Variants in PAK5 observed in about 807,000 individuals in gnomAD.
PAK5 encodes the protein serine/threonine-protein kinase PAK 5.
A neutral mutation model predicts 65.9 loss-of-function variants in PAK5; 16 were observed. The ratio of observed to expected loss-of-function variants is 0.24; its 90% CI spans 0.16 to 0.37. The LOEUF (loss-of-function observed/expected upper bound fraction) is 0.37. Among genes scored for constraint, PAK5 ranks in the 10% least tolerant of loss-of-function variants. The pLI is 1.00. For missense variants in PAK5, 785 were observed against 903.9 expected, an observed-to-expected ratio of 0.87 and a Z score of 1.69; for synonymous variants, 371 against 354.9, an observed-to-expected ratio of 1.05 and a Z score of -0.51.
intron 2 of PAK5, among the ~76,000 whole-genome samples, chr20:9,694,066 T>A (rs903819883): frequency 2.0e-5 from 3 of 152,022 alleles, no homozygotes; most frequent in African/African-American, 7.2e-5. Flanking sequence ...GAATTGAATA[T>A]AGAACAATAT....
At chr20:9,563,164 C>T in intron 5 of PAK5, 140 bp from the exon 6 acceptor site, 1 of 751,618 alleles carries the variant, frequency 1.3e-6, no homozygotes, top group Non-Finnish European at 2.2e-6. Flanking sequence ...CTATTACAGA[C>T]AAAAAGCATC....
intron 1 of PAK5, among the ~76,000 whole-genome samples, chr20:9,811,022 A>T (rs1387665708): frequency 1.3e-5 from 2 of 152,190 alleles, no homozygotes; most frequent in African/African-American, 2.4e-5. Flanking sequence ...TCAGCAATAG[A>T]AGCAGTATAA....
At chr20:9,753,095 A>G (rs907485278) in intron 1 of PAK5, among the ~76,000 whole-genome samples, 1 of 152,142 alleles carries the variant, frequency 6.6e-6, no homozygotes, top group Non-Finnish European at 1.5e-5. Context: ...CCTCACACAC[A>G]TGAGCCAACC....
rs142279832 is a variant in PAK5 at position 9,802,910 on chromosome 20, G to GTGTATATATATATATATATA, written c.-162+35851_-162+35852insTATATATATATATATATACA. Among the ~76,000 whole-genome samples the GTGTATATATATATATATATA allele has an allele frequency of 5.6e-3, 258 of 46,366 alleles. 5 individuals carry two copies. The highest frequency in any genetic ancestry group is 6.8e-3 in the Non-Finnish European group (175 of 25,816). 30.4% of individuals were successfully genotyped at this position (46,366 alleles called of 152,430 possible). ...CTTCTGTACTATTGTATATGTATGT[G>GTGTATATATATATATATATA]TATATATATATATATATATATATGA... is the stretch of plus-strand genomic sequence containing the variant. On this transcript the variant is annotated intron_variant, in intron 1 of 9. Coordinates refer to ENST00000353224, the MANE Select transcript of PAK5 (RefSeq NM_177990.4).
intron 1 of PAK5, among the ~76,000 whole-genome samples, chr20:9,768,352 G>A (rs982449223): frequency 4.6e-5 from 7 of 152,100 alleles, no homozygotes; most frequent in African/African-American, 1.7e-4. Flanking sequence ...ATAGATGGGG[G>A]AGGGAGGGAG....
chr20:9,769,623 C>T (rs1600351446), intron 1 of PAK5, among the ~76,000 whole-genome samples: 1 of 152,346 alleles, frequency 6.6e-6, no homozygotes, highest in Middle Eastern at 3.4e-3. Flanking sequence ...AAATGGTCTT[C>T]CAGCTTCCCT....
In PAK5 at chr20:9,539,351, A is replaced by G. The variant is rs2045221015; in HGVS notation, c.*111T>C. On this transcript the variant is annotated 3_prime_UTR_variant, in exon 10 of 10. Transcript: ENST00000353224. ...CTGCCGGTCATCACGCTGTCCCACC[A>G]ATTGGCTGGTCTAGAATGCACAGGC... The G allele has an allele frequency of 2.0e-6, 2 of 1,015,654 alleles. No homozygotes were observed. The highest frequency in any genetic ancestry group is 3.9e-5 in the Admixed American group (2 of 51,256). 62.9% of individuals were successfully genotyped at this position (1,015,654 alleles called of 1,614,324 possible).
chr20:9,726,212 C>G (rs1310679601), intron 1 of PAK5, among the ~76,000 whole-genome samples: 1 of 152,134 alleles, frequency 6.6e-6, no homozygotes, highest in Non-Finnish European at 1.5e-5. Flanking sequence ...TAAACAAATT[C>G]TCACCTAAGT....
intron 1 of PAK5, among the ~76,000 whole-genome samples, chr20:9,760,673 C>CTTTT (rs5840332): frequency 5.7e-5 from 7 of 122,796 alleles, no homozygotes; most frequent in African/African-American, 1.5e-4. Flanking sequence ...CTTTTCTTTT[C>CTTTT]TTTTTTTTTT....
intron 2 of PAK5, among the ~76,000 whole-genome samples, chr20:9,657,332 C>CT (rs1434769101): frequency 2.6e-5 from 4 of 152,074 alleles, no homozygotes; most frequent in Admixed American, 2.0e-4. Context: ...ATAGTTCATT[C>CT]TTTTTTATTG....
chr20:9,704,599 G>C (rs1242255323), intron 2 of PAK5, among the ~76,000 whole-genome samples: 1 of 152,044 alleles, frequency 6.6e-6, no homozygotes, highest in Non-Finnish European at 1.5e-5. Context: ...CTATCTGTAG[G>C]GTATCTTGTC....
At chr20:9,748,438 T>C (rs996995851) in intron 1 of PAK5, among the ~76,000 whole-genome samples, 4 of 152,040 alleles carry the variant, frequency 2.6e-5, no homozygotes, top group African/African-American at 9.7e-5. Context: ...CTTCAAACTA[T>C]ACTACAAGGC....
At chr20:9,643,875 C>T (rs1280247595) in intron 3 of PAK5, among the ~76,000 whole-genome samples, 1 of 152,092 alleles carries the variant, frequency 6.6e-6, no homozygotes, top group Non-Finnish European at 1.5e-5. Flanking sequence ...ATAAAAATGT[C>T]CTATTTTGTG....
intron 7 of PAK5, among the ~76,000 whole-genome samples, chr20:9,549,247 T>TG (rs1203787791): frequency 6.6e-6 from 1 of 152,088 alleles, no homozygotes; most frequent in African/African-American, 2.4e-5. Flanking sequence ...TCCAAGCAGA[T>TG]GGTGGTGGGC....
At chr20:9,606,119 T>TG (rs2046449436) in intron 3 of PAK5, among the ~76,000 whole-genome samples, 1 of 152,058 alleles carries the variant, frequency 6.6e-6, no homozygotes, top group Non-Finnish European at 1.5e-5. Context: ...GACTGGATCA[T>TG]GGGGGGTGAA....
intron 1 of PAK5, among the ~76,000 whole-genome samples, chr20:9,837,978 A>T (rs1298350525): frequency 1.3e-5 from 2 of 152,208 alleles, no homozygotes; most frequent in Non-Finnish European, 2.9e-5. Context: ...ATATACACAC[A>T]CATGGTTTCA....
chr20:9,837,346 G>A (rs932371792), intron 1 of PAK5, among the ~76,000 whole-genome samples: 6 of 152,030 alleles, frequency 3.9e-5, no homozygotes, highest in South Asian at 2.1e-4. Flanking sequence ...ACTCATTCTC[G>A]CCACCTAACA....
intron 7 of PAK5, among the ~76,000 whole-genome samples, chr20:9,555,913 C>A (rs907010092): frequency 6.6e-6 from 1 of 152,192 alleles, no homozygotes; most frequent in Admixed American, 6.5e-5. Flanking sequence ...TGCACTGTCC[C>A]TGCTGAGAGC....
At chr20:9,735,419 A>G (rs1003829834) in intron 1 of PAK5, among the ~76,000 whole-genome samples, 65 of 152,314 alleles carry the variant, frequency 4.3e-4, no homozygotes, top group African/African-American at 1.4e-3. Flanking sequence ...GAGGCTGAGG[A>G]AAGAACCACC....
Sources: allele counts gnomAD v4.1 joint callset (sites outside exome capture counted in the v4.1 genomes callset), GRCh38; gene constraint gnomAD v4.1.1; transcripts MANE v1.5; gene names NCBI Gene and HGNC (gene_info 2026-07-23, HGNC 2026-07-21).